Variants in SRL observed in about 807,000 individuals in gnomAD.
SRL encodes the protein sarcalumenin.
SRL carries 23 observed loss-of-function variants against 39.5 expected under a neutral mutation model. The ratio of observed to expected loss-of-function variants is 0.58; its 90% confidence interval spans 0.42 to 0.82. The LOEUF (loss-of-function observed/expected upper bound fraction) is 0.82. SRL is among the 40% of genes least tolerant of loss of function. The pLI is 0.00. For synonymous variants in SRL, 272 were observed against 237.4 expected (o/e 1.15, Z -1.34); for missense variants, 592 against 607.8 (o/e 0.97, Z 0.27).
chr16:4,224,034 C>G (rs1007671241), intron 1 of SRL, among the ~76,000 whole-genome samples: 1 of 152,022 alleles, frequency 6.6e-6, no homozygotes, highest in Non-Finnish European at 1.5e-5. Context: ...GTCGGGGGCC[C>G]TCACAGCAAC....
chr16:4,196,731 G>A (rs778435830), intron 4 of SRL, among the ~76,000 whole-genome samples: 1 of 151,890 alleles, frequency 6.6e-6, no homozygotes, highest in East Asian at 1.9e-4. Flanking sequence ...AACCCACCTC[G>A]GCCTCCCAAA....
intron 1 of SRL, among the ~76,000 whole-genome samples, chr16:4,212,276 T>G (rs996950575): frequency 6.6e-6 from 1 of 152,128 alleles, no homozygotes; most frequent in African/African-American, 2.4e-5. Flanking sequence ...AGGCTAAAAA[T>G]AACTGCTCCA....
At chr16:4,216,374 C>G (rs1043623554) in intron 1 of SRL, among the ~76,000 whole-genome samples, 2 of 152,060 alleles carry the variant, frequency 1.3e-5, no homozygotes, top group Non-Finnish European at 2.9e-5. Flanking sequence ...TAGATTCAAG[C>G]GATTCTCCTG....
intron 3 of SRL, among the ~76,000 whole-genome samples, chr16:4,200,160 C>G (rs1256238120): frequency 2.0e-5 from 3 of 152,176 alleles, no homozygotes; most frequent in Non-Finnish European, 4.4e-5. Flanking sequence ...TGGCCCTGCC[C>G]CATCCCTCCC....
In SRL at chr16:4,201,788, T is replaced by A. The variant is rs1291743082; in HGVS notation, c.259+1378A>T. Among the ~76,000 whole-genome samples the A allele has an allele frequency of 7.3e-5, 10 of 136,928 alleles. 3 individuals carry two copies. The highest frequency in any genetic ancestry group is 2.2e-4 in the Admixed American group (3 of 13,804). 89.8% of individuals were successfully genotyped at this position (136,928 alleles called of 152,430 possible). A position where few individuals can be genotyped will look rare whatever the true frequency, so the allele number is the denominator to read the frequency against. Reference sequence around the variant, plus strand: ...CTGTTGCCTCACCCTCCTGAGTAGCTAGGATTACAGCCGCCAGCCACTAGG... The same window carrying A: ...CTGTTGCCTCACCCTCCTGAGTAGCAAGGATTACAGCCGCCAGCCACTAGG... On this transcript the variant is annotated intron_variant, in intron 3 of 5. Coordinates refer to ENST00000399609, the MANE Select transcript of SRL (RefSeq NM_001098814.2).
chr16:4,223,231 C>CAAAAAAAAA (rs34513855), intron 1 of SRL, among the ~76,000 whole-genome samples: 2 of 96,164 alleles, frequency 2.1e-5, no homozygotes, highest in Non-Finnish European at 2.2e-5. Context: ...AACTCTGTCT[C>CAAAAAAAAA]AAAAAAAAAA....
At chr16:4,219,508 C>T (rs1597286375) in intron 1 of SRL, among the ~76,000 whole-genome samples, 1 of 152,302 alleles carries the variant, frequency 6.6e-6, no homozygotes, top group South Asian at 2.1e-4. Context: ...GGCTGGAGTG[C>T]AGTAGCGCGA....
At chr16:4,199,491 C>A (rs2052193856) in intron 3 of SRL, among the ~76,000 whole-genome samples, 1 of 150,506 alleles carries the variant, frequency 6.6e-6, no homozygotes, top group African/African-American at 2.4e-5. Context: ...CCACCTCAGC[C>A]TCCTGAGTAG....
intron 3 of SRL, among the ~76,000 whole-genome samples, chr16:4,200,846 C>G (rs1430894700): frequency 3.3e-5 from 5 of 152,200 alleles, no homozygotes; most frequent in African/African-American, 9.6e-5. Flanking sequence ...AGGAAGAATA[C>G]AAACCCTATT....
chr16:4,240,738 G>A (rs1428793675), intron 1 of SRL, among the ~76,000 whole-genome samples: 1 of 152,166 alleles, frequency 6.6e-6, no homozygotes, highest in East Asian at 1.9e-4. Context: ...CCCAGCAGCT[G>A]GGGCTGGGGG....
At position 4,217,163 on chromosome 16, in the gene SRL, C is replaced by A. The variant is rs377433484; in HGVS notation, c.62-12529G>T. 7.9e-5 allele frequency among the ~76,000 whole-genome samples: 12 copies of A among 152,330 alleles called. No individual in the cohort carries two copies. In the East Asian group the frequency reaches 2.3e-3, roughly 29 times the overall value. ...AGGCCCACGGCTATGCCTTTTCTTT[C>A]TTCCTGGGGCTGAGGCTCCAGCCTC... On this transcript the variant is annotated intron_variant, in intron 1 of 5. Transcript: ENST00000399609.
At chr16:4,238,104 G>C (rs1470943218) in intron 1 of SRL, among the ~76,000 whole-genome samples, 1 of 152,218 alleles carries the variant, frequency 6.6e-6, no homozygotes, top group Non-Finnish European at 1.5e-5. Context: ...ACACGTTGAG[G>C]TGTTTGAATG....
intron 1 of SRL, among the ~76,000 whole-genome samples, chr16:4,209,521 T>C (rs989297137): frequency 3.3e-5 from 5 of 152,068 alleles, no homozygotes; most frequent in Admixed American, 6.6e-5. Context: ...CACTTGCTAC[T>C]CCCATCTCTC....
intron 1 of SRL, among the ~76,000 whole-genome samples, chr16:4,230,513 T>C (rs2052648021): frequency 6.6e-6 from 1 of 151,700 alleles, no homozygotes; most frequent in Non-Finnish European, 1.5e-5. Flanking sequence ...CCCAAGTAGC[T>C]GGGATTACAG....
At chr16:4,210,484 A>ATTTTTTTT (rs1307381191) in intron 1 of SRL, among the ~76,000 whole-genome samples, 2 of 68,786 alleles carry the variant, frequency 2.9e-5, no homozygotes, top group Admixed American at 1.9e-4. Context: ...TATTACTCAT[A>ATTTTTTTT]TCTTTTTTTT....
intron 3 of SRL, among the ~76,000 whole-genome samples, chr16:4,200,420 C>T (rs796346809): frequency 1.2e-4 from 19 of 152,290 alleles, no homozygotes; most frequent in African/African-American, 4.6e-4. Flanking sequence ...GGGGGCACCG[C>T]TGGCCTATAC....
chr16:4,214,611 G>A (rs374885817), intron 1 of SRL, among the ~76,000 whole-genome samples: 23 of 152,044 alleles, frequency 1.5e-4, no homozygotes, highest in Non-Finnish European at 2.8e-4. Context: ...AGTTCATGCC[G>A]CAGAGCAGGC....
chr16:4,215,027 CA>C (rs765872034), intron 1 of SRL, among the ~76,000 whole-genome samples: 6 of 152,326 alleles, frequency 3.9e-5, no homozygotes, highest in Admixed American at 6.5e-5. Context: ...CTCAGCCTCC[CA>C]AAGTGCTGGG....
intron 1 of SRL, among the ~76,000 whole-genome samples, chr16:4,210,947 T>C (rs1284112639): frequency 3.9e-5 from 6 of 152,144 alleles, no homozygotes; most frequent in Admixed American, 3.3e-4. Context: ...CCTGGACCCA[T>C]TGAATCAGAA....
Sources: allele counts gnomAD v4.1 joint callset (sites outside exome capture counted in the v4.1 genomes callset), GRCh38; gene constraint gnomAD v4.1.1; transcripts MANE v1.5; gene names NCBI Gene and HGNC (gene_info 2026-07-23, HGNC 2026-07-21).